CDK19: variants seen among roughly 807,000 people sequenced by gnomAD.
CDK19 encodes the protein cyclin-dependent kinase 19.
A neutral mutation model predicts 68.3 loss-of-function variants in CDK19; 20 were observed. The observed-to-expected ratio is 0.29, with a 90% CI of 0.21 to 0.43. CDK19 has a LOEUF of 0.43. CDK19 is among the 20% of genes least tolerant of loss of function. The pLI is 1.00. For synonymous variants in CDK19, 221 were observed against 222.8 expected, an observed-to-expected ratio of 0.99 and a Z score of 0.07; for missense variants, 339 against 623.5, an observed-to-expected ratio of 0.54 and a Z score of 4.86.
chr6:110,804,597 C>A (rs1053590032), intron 1 of CDK19, among the ~76,000 whole-genome samples: 13 of 151,100 alleles, frequency 8.6e-5, no homozygotes, highest in African/African-American at 3.1e-4. Flanking sequence ...CCGCCCACCT[C>A]GGCCTCCCAA....
intron 2 of CDK19, among the ~76,000 whole-genome samples, chr6:110,728,465 TTCTG>T (rs1363718046): frequency 6.6e-6 from 1 of 152,150 alleles, no homozygotes; most frequent in African/African-American, 2.4e-5. Context: ...TTTTTTCCAC[TTCTG>T]TCTATCTTCC....
chr6:110,642,682 G>A (rs575387975), intron 4 of CDK19, among the ~76,000 whole-genome samples: 66 of 152,200 alleles, frequency 4.3e-4, no homozygotes, highest in African/African-American at 1.3e-3. Context: ...AACCAGGCAC[G>A]GTGGTCCACA....
intron 2 of CDK19, among the ~76,000 whole-genome samples, chr6:110,721,303 TAAA>T (rs1306471589): frequency 2.0e-5 from 3 of 152,160 alleles, no homozygotes; most frequent in African/African-American, 7.2e-5. Flanking sequence ...TCCAAGGAAA[TAAA>T]AAAGTCAACA....
At chr6:110,635,101 G>T (rs1779676326) in intron 5 of CDK19, among the ~76,000 whole-genome samples, 4 of 152,116 alleles carry the variant, frequency 2.6e-5, no homozygotes, top group Admixed American at 2.6e-4. Flanking sequence ...CACAGATAAG[G>T]TTAGTAAAAT....
intron 1 of CDK19, among the ~76,000 whole-genome samples, chr6:110,770,762 A>T (rs1779959301): frequency 6.6e-6 from 1 of 152,178 alleles, no homozygotes; most frequent in African/African-American, 2.4e-5. Flanking sequence ...AGCCTGTAAA[A>T]TCAAAAGCAA....
In CDK19 at chr6:110,746,185, A is replaced by G; in HGVS notation, c.145T>C (p.Tyr49His). The change falls in exon 2 of 13, where the codon TAT becomes CAT. Residue 49 changes from tyrosine (Y) to histidine (H), a missense_variant. Physicochemically the swap from Tyr to His is moderately conservative, Grantham distance 83. This residue lies in a region of CDK19 where 120 missense variants were observed against 224.0 expected (regional missense o/e 0.54). Transcript: ENST00000368911. Reference protein sequence around the residue: ...RRKDGKDEKEYALKQIEGTGI... With the variant: ...RRKDGKDEKEHALKQIEGTGI... ...GTGCCTTCAATTTGCTTCAATGCAT[A>G]TTCCTTTTCATCTTTTCTGCACATA... is the stretch of plus-strand genomic sequence containing the variant. 6.3e-7 allele frequency: 1 copy of G among 1,599,576 alleles called. No individual in the cohort carries two copies.
At chr6:110,771,910 G>A (rs1165634551) in intron 1 of CDK19, among the ~76,000 whole-genome samples, 2 of 152,150 alleles carry the variant, frequency 1.3e-5, no homozygotes, top group East Asian at 3.9e-4. Flanking sequence ...TTCCCAACAA[G>A]TTCCTCATCT....
intron 1 of CDK19, among the ~76,000 whole-genome samples, chr6:110,762,732 T>C (rs1190848731): frequency 6.6e-6 from 1 of 152,186 alleles, no homozygotes; most frequent in Non-Finnish European, 1.5e-5. Flanking sequence ...AGTTCACACA[T>C]AGGCATTTCA....
chr6:110,650,178 G>A (rs1244102177), intron 4 of CDK19, among the ~76,000 whole-genome samples: 1 of 152,150 alleles, frequency 6.6e-6, no homozygotes, highest in Non-Finnish European at 1.5e-5. Context: ...CTTAAAACCA[G>A]ACAAAGCTAA....
intron 2 of CDK19, among the ~76,000 whole-genome samples, chr6:110,683,888 T>A (rs2114532989): frequency 6.6e-6 from 1 of 151,404 alleles, no homozygotes; most frequent in Non-Finnish European, 1.5e-5. Context: ...TTTTTTTTTT[T>A]TTTAGTGGAG....
At chr6:110,652,965 G>A (rs1266776792) in intron 4 of CDK19, among the ~76,000 whole-genome samples, 1 of 152,138 alleles carries the variant, frequency 6.6e-6, no homozygotes, top group Admixed American at 6.5e-5. Flanking sequence ...AGCTTGGGCA[G>A]TAACCACAGA....
chr6:110,738,421 G>A (rs1777411051), intron 2 of CDK19, among the ~76,000 whole-genome samples: 1 of 152,030 alleles, frequency 6.6e-6, no homozygotes, highest in Non-Finnish European at 1.5e-5. Context: ...TCAGGAGACT[G>A]AGGCAGGAAA....
At chr6:110,652,636 T>C (rs1429609898) in intron 4 of CDK19, among the ~76,000 whole-genome samples, 1 of 152,228 alleles carries the variant, frequency 6.6e-6, no homozygotes, top group African/African-American at 2.4e-5. Flanking sequence ...GATTATAAGC[T>C]GCTGAACGCA....
chr6:110,668,103 T>G (rs1782056011), intron 3 of CDK19, among the ~76,000 whole-genome samples: 1 of 152,150 alleles, frequency 6.6e-6, no homozygotes, highest in South Asian at 2.1e-4. Context: ...AAATAGGAAA[T>G]TCGATCCCAT....
chr6:110,703,942 T>TA (rs1328285511), intron 2 of CDK19, among the ~76,000 whole-genome samples: 1 of 152,196 alleles, frequency 6.6e-6, no homozygotes, highest in Non-Finnish European at 1.5e-5. Flanking sequence ...AGCTTGAAAT[T>TA]AAAGTTAGAG....
At chr6:110,749,652 G>A (rs1041426636) in intron 1 of CDK19, among the ~76,000 whole-genome samples, 2 of 151,952 alleles carry the variant, frequency 1.3e-5, no homozygotes, top group Non-Finnish European at 2.9e-5. Flanking sequence ...GTACCACCGC[G>A]CCCTCCTGGC....
chr6:110,626,346 ATTAAT>A (rs1290223222), intron 8 of CDK19, among the ~76,000 whole-genome samples: 2 of 152,212 alleles, frequency 1.3e-5, no homozygotes, highest in Non-Finnish European at 2.9e-5. Flanking sequence ...TTTTAAAAAG[ATTAAT>A]TTAACTATTC....
intron 1 of CDK19, among the ~76,000 whole-genome samples, chr6:110,786,478 T>C (rs1300692901): frequency 6.6e-6 from 1 of 152,186 alleles, no homozygotes; most frequent in African/African-American, 2.4e-5. Flanking sequence ...TGTTTTGAGC[T>C]TGATGGCTTC....
At chr6:110,799,823 G>T (rs561729083) in intron 1 of CDK19, among the ~76,000 whole-genome samples, 1 of 152,200 alleles carries the variant, frequency 6.6e-6, no homozygotes, top group South Asian at 2.1e-4. Flanking sequence ...GGCTGGCCTT[G>T]AACTCCTGAG....
Sources: allele counts gnomAD v4.1 joint callset (sites outside exome capture counted in the v4.1 genomes callset), GRCh38; gene constraint gnomAD v4.1.1; regional missense constraint gnomAD v4.1.1; transcripts MANE v1.5; gene names NCBI Gene and HGNC (gene_info 2026-07-23, HGNC 2026-07-21).